GFRAL: variants seen among roughly 807,000 people sequenced by gnomAD.
GFRAL encodes the protein GDNF family receptor alpha-like.
Under a neutral mutation model 45.4 loss-of-function variants are expected in GFRAL, and 36 were observed. The observed-to-expected ratio is 0.79, with a 90% CI of 0.61 to 1.05. The LOEUF (loss-of-function observed/expected upper bound fraction) is 1.05. Among genes scored for constraint, GFRAL ranks in the 50% least tolerant of loss-of-function variants. The probability of loss-of-function intolerance (pLI) is 0.00; values close to 1 mark genes in which losing one functional copy is unlikely to be tolerated. For synonymous variants in GFRAL, 166 were observed against 154.1 expected (o/e 1.08, Z -0.57); for missense variants, 507 against 467.5 (o/e 1.08, Z -0.78).
intron 3 of GFRAL, among the ~76,000 whole-genome samples, chr6:55,338,233 G>A (rs1208403953): frequency 6.6e-6 from 1 of 151,934 alleles, no homozygotes; most frequent in Non-Finnish European, 1.5e-5. Flanking sequence ...GGGATTACAG[G>A]TGCTTGCCAC....
intron 3 of GFRAL, among the ~76,000 whole-genome samples, chr6:55,347,083 A>T (rs1464939883): frequency 6.6e-6 from 1 of 152,120 alleles, no homozygotes; most frequent in African/African-American, 2.4e-5. Flanking sequence ...ACGGGAAAGT[A>T]AAAGAAGAAA....
At chr6:55,383,889 C>T (rs762155726) in intron 6 of GFRAL, among the ~76,000 whole-genome samples, 22 of 151,956 alleles carry the variant, frequency 1.4e-4, no homozygotes, top group Non-Finnish European at 2.5e-4. Flanking sequence ...TGATTCTCTT[C>T]GGAAAATCAG....
intron 6 of GFRAL, among the ~76,000 whole-genome samples, chr6:55,387,269 C>A (rs1443326713): frequency 1.3e-5 from 2 of 152,150 alleles, no homozygotes; most frequent in Non-Finnish European, 2.9e-5. Flanking sequence ...ATAGTATTAT[C>A]TTTTCCATTT....
At chr6:55,329,660 T>C (rs1265048498) in intron 1 of GFRAL, among the ~76,000 whole-genome samples, 1 of 152,080 alleles carries the variant, frequency 6.6e-6, no homozygotes, top group Non-Finnish European at 1.5e-5. Context: ...GATGAGGTTG[T>C]CCATGAACAC....
Position 55,397,341 on chromosome 6 carries a change from A to AC in GFRAL, c.953-1835dup, listed in dbSNP as rs574230600. Among the ~76,000 whole-genome samples, 77 of 147,494 alleles carry AC rather than the reference A, an allele frequency of 5.2e-4. 4 individuals are homozygous for AC. Among genetic ancestry groups the AC allele is most frequent in the African/African-American group, 1.9e-3 (76 of 39,396 alleles). ...AGACCATCCTGGCTAACAAGGTGAA[A>AC]CCCCGTCTCTACTAAAAATACAAAA... On this transcript the variant is annotated intron_variant, in intron 6 of 8. Transcript: ENST00000340465.
chr6:55,340,363 G>A (rs77942392), intron 3 of GFRAL, among the ~76,000 whole-genome samples: 6,211 of 152,122 alleles, frequency 0.041, 183 homozygotes, highest in African/African-American at 0.073. Context: ...ATATGCTAAA[G>A]CACCCAGCAG....
intron 3 of GFRAL, among the ~76,000 whole-genome samples, chr6:55,336,450 T>A (rs188329165): frequency 2.6e-5 from 4 of 152,342 alleles, no homozygotes; most frequent in Admixed American, 2.6e-4. Context: ...AGTATATAGT[T>A]CTTGCACAAC....
chr6:55,352,571 T>A (rs1317612786), intron 5 of GFRAL, among the ~76,000 whole-genome samples: 18 of 152,076 alleles, frequency 1.2e-4, no homozygotes, highest in Non-Finnish European at 1.5e-5. Context: ...AGAGGACCGA[T>A]AGTGGAAGAG....
chr6:55,362,447 G>C (rs1768289134), intron 6 of GFRAL, among the ~76,000 whole-genome samples: 1 of 152,014 alleles, frequency 6.6e-6, no homozygotes, highest in South Asian at 2.1e-4. Flanking sequence ...GACTCAGGCA[G>C]AAGAGCATCC....
intron 6 of GFRAL, among the ~76,000 whole-genome samples, chr6:55,377,469 C>G (rs772291117): frequency 6.6e-6 from 1 of 151,936 alleles, no homozygotes; most frequent in South Asian, 2.1e-4. Flanking sequence ...ATGTTTCTAC[C>G]GTATGGCCAC....
At chr6:55,350,216 T>C in intron 4 of GFRAL, 71 bp downstream of exon 4, 1 of 897,336 alleles carries the variant, frequency 1.1e-6, no homozygotes, top group Middle Eastern at 2.5e-4. Context: ...GTTACCAGGC[T>C]TCTTAAAGAT....
chr6:55,351,450 G>A lies in GFRAL; in HGVS notation c.568G>A (p.Asp190Asn), dbSNP rs756382910. 3 of 1,613,492 alleles carry A rather than the reference G, an allele frequency of 1.9e-6. No homozygotes were observed. The highest frequency in any genetic ancestry group is 3.3e-5 in the Admixed American group (2 of 59,862). Residue 190 changes from aspartate (D) to asparagine (N), a missense_variant, in exon 5 of 9, where the codon GAC (aspartate) becomes AAC (asparagine). Physicochemically the swap from Asp to Asn is conservative, Grantham distance 23. Transcript: ENST00000340465. Reference sequence around the variant, plus strand: ...CATTGCCCAGATGTTGGCTTTTTGTGACTGTGCTCAATCTGATATACCTTG... The same window carrying A: ...CATTGCCCAGATGTTGGCTTTTTGTAACTGTGCTCAATCTGATATACCTTG... ...FNIAQMLAFC[D>N]CAQSDIPCQQ... is the part of the protein sequence containing the mutation.
At chr6:55,393,520 T>C (rs1768782175) in intron 6 of GFRAL, among the ~76,000 whole-genome samples, 1 of 152,142 alleles carries the variant, frequency 6.6e-6, no homozygotes, top group Admixed American at 6.5e-5. Context: ...CAGAAGGTGG[T>C]CTTTAGGCAG....
At chr6:55,400,458 C>A (rs1289340993) in intron 8 of GFRAL, among the ~76,000 whole-genome samples, 1 of 152,028 alleles carries the variant, frequency 6.6e-6, no homozygotes, top group African/African-American at 2.4e-5. Context: ...CTTAAAAAGG[C>A]CTTGACAATT....
chr6:55,388,035 G>A (rs1229672377), intron 6 of GFRAL, among the ~76,000 whole-genome samples: 1 of 152,150 alleles, frequency 6.6e-6, no homozygotes, highest in Non-Finnish European at 1.5e-5. Context: ...CTCTGTGACA[G>A]ACACTGCTCC....
chr6:55,383,600 C>T (rs1419692511), intron 6 of GFRAL, among the ~76,000 whole-genome samples: 1 of 151,946 alleles, frequency 6.6e-6, no homozygotes. Context: ...GTAGGCTATA[C>T]CACCTAAGTT....
intron 5 of GFRAL, among the ~76,000 whole-genome samples, chr6:55,351,824 AAAT>A (rs1252404986): frequency 6.6e-6 from 1 of 152,166 alleles, no homozygotes; most frequent in African/African-American, 2.4e-5. Flanking sequence ...GGTAGCCATG[AAAT>A]AATATTATAA....
intron 6 of GFRAL, among the ~76,000 whole-genome samples, chr6:55,371,027 C>A (rs1264900116): frequency 6.6e-6 from 1 of 152,174 alleles, no homozygotes; most frequent in African/African-American, 2.4e-5. Context: ...GCAACTGCTG[C>A]CAGACATTTG....
chr6:55,343,252 T>TC (rs1303614220), intron 3 of GFRAL, among the ~76,000 whole-genome samples: 2 of 152,308 alleles, frequency 1.3e-5, no homozygotes, highest in Non-Finnish European at 2.9e-5. Flanking sequence ...TCACACTTAT[T>TC]CGAAAATTGA....
Sources: gnomAD v4.1 joint callset for allele counts (sites outside exome capture counted in the v4.1 genomes callset) on GRCh38, gnomAD v4.1.1 for gene constraint, MANE v1.5 for transcripts, NCBI Gene and HGNC (gene_info 2026-07-23, HGNC 2026-07-21) for gene names.